The following WDFY3 variants were observed in gnomAD, a reference collection of about 807,000 sequenced individuals.
The protein encoded by WDFY3 is WD repeat and FYVE domain containing 3, also known as WD repeat and FYVE domain-containing protein 3.
In WDFY3, 66 loss-of-function variants were observed where a neutral mutation model predicts 409.6. That is an observed-to-expected ratio of 0.16 (90% CI 0.13 to 0.20). The LOEUF is 0.20. Ranked by LOEUF, WDFY3 falls within the 10% of genes least tolerant of loss-of-function variation. The pLI is 1.00. For missense variants in WDFY3, 3,031 were observed against 4,298.1 expected, an observed-to-expected ratio of 0.71 and a Z score of 8.24; for synonymous variants, 1,521 against 1,537.1, an observed-to-expected ratio of 0.99 and a Z score of 0.25.
chr4:84,786,886 A>G (rs2149520446), intron 23 of WDFY3, among the ~76,000 whole-genome samples: 1 of 152,286 alleles, frequency 6.6e-6, no homozygotes, highest in African/African-American at 2.4e-5. Context: ...GATTATGACC[A>G]TTTACAATAT....
intron 2 of WDFY3, among the ~76,000 whole-genome samples, chr4:84,914,563 T>G (rs1229888850): frequency 6.6e-6 from 1 of 152,170 alleles, no homozygotes; most frequent in African/African-American, 2.4e-5. Context: ...CAACTGTATC[T>G]TGTCAGTAAG....
At chr4:84,750,982 G>A (rs1169729027) in intron 36 of WDFY3, among the ~76,000 whole-genome samples, 1 of 152,234 alleles carries the variant, frequency 6.6e-6, no homozygotes, top group South Asian at 2.1e-4. Context: ...ATTGATGTAG[G>A]AAATTATAAG....
intron 2 of WDFY3, among the ~76,000 whole-genome samples, chr4:84,926,250 C>T (rs1769976147): frequency 6.9e-6 from 1 of 145,604 alleles, no homozygotes; most frequent in African/African-American, 2.5e-5. Context: ...GCCATACAAA[C>T]ATCAGGCTCT....
In WDFY3 at chr4:84,756,910, G is replaced by C. The variant is rs375961372; in HGVS notation, c.5424+16C>G. Reference sequence around the variant, plus strand: ...GAATACGTAATTTCACGCACCCCTTGCTAGATAATTCCTACCTGGCAACCC... The same window carrying C: ...GAATACGTAATTTCACGCACCCCTTCCTAGATAATTCCTACCTGGCAACCC... On this transcript the variant is annotated intron_variant, in intron 33 of 67. Transcript: ENST00000295888. 7 of 1,610,324 alleles carry C rather than the reference G, an allele frequency of 4.3e-6. No homozygotes were observed. The African/African-American group carries it at 9.4e-5, about 22-fold the overall frequency.
chr4:84,868,096 G>A (rs1360311370), intron 3 of WDFY3, among the ~76,000 whole-genome samples: 1 of 137,414 alleles, frequency 7.3e-6, no homozygotes, highest in Non-Finnish European at 1.5e-5. Flanking sequence ...TTGAACCCAG[G>A]AGGAGGTGGA....
Position 84,794,921 on chromosome 4 carries a change from T to C in WDFY3, c.3226A>G (p.Thr1076Ala). 3 of 1,580,626 alleles carry C rather than the reference T, an allele frequency of 1.9e-6. No homozygotes were observed. Among genetic ancestry groups the C allele is most frequent in the South Asian group, 1.2e-5 (1 of 82,816 alleles). ...ACCACAGCCCCATCAATAAGACCTGTTGTGACGGTATTATTTGTAGGAGCA... is the reference window on the plus strand; with the variant it reads ...ACCACAGCCCCATCAATAAGACCTGCTGTGACGGTATTATTTGTAGGAGCA... ...HNAPTNNTVT[T>A]GLIDGAVVSG... The change falls in exon 20 of 68, where the codon ACA (threonine) becomes GCA (alanine). Residue 1076 changes from threonine to alanine, a missense_variant. Coordinates refer to ENST00000295888, the MANE Select transcript of WDFY3 (RefSeq NM_014991.6).
chr4:84,714,916 C>T (rs1733585197), intron 50 of WDFY3, among the ~76,000 whole-genome samples: 1 of 148,612 alleles, frequency 6.7e-6, no homozygotes, highest in South Asian at 2.1e-4. Context: ...TGCCACTGTA[C>T]TCTAGCCTGG....
intron 1 of WDFY3, among the ~76,000 whole-genome samples, chr4:84,957,099 TAAA>T (rs1433782677): frequency 6.6e-6 from 1 of 151,236 alleles, no homozygotes; most frequent in East Asian, 1.9e-4. Flanking sequence ...TATAGAGATA[TAAA>T]ACCAAGGCCC....
At chr4:84,734,393 A>C (rs1414525523) in intron 43 of WDFY3, among the ~76,000 whole-genome samples, 1 of 152,238 alleles carries the variant, frequency 6.6e-6, no homozygotes, top group African/African-American at 2.4e-5. Flanking sequence ...TTAAAAAATT[A>C]TCTATCACAG....
intron 3 of WDFY3, among the ~76,000 whole-genome samples, chr4:84,881,573 G>C (rs751067832): frequency 7.0e-6 from 1 of 142,284 alleles, no homozygotes; most frequent in Non-Finnish European, 1.5e-5. Flanking sequence ...GAATATGATC[G>C]TTACAATCAT....
At chr4:84,696,690 C>T in intron 57 of WDFY3, 42 bp downstream of exon 57, 1 of 1,590,974 alleles carries the variant, frequency 6.3e-7, no homozygotes, top group Non-Finnish European at 8.6e-7. Context: ...GTTCAATGAC[C>T]AAATGAAATT....
intron 27 of WDFY3, among the ~76,000 whole-genome samples, chr4:84,777,019 G>C (rs1373071472): frequency 6.6e-6 from 1 of 152,072 alleles, no homozygotes; most frequent in African/African-American, 2.4e-5. Context: ...TACGAAATGT[G>C]AAAGTAGAAC....
chr4:84,714,390 G>A (rs879037576), intron 50 of WDFY3, among the ~76,000 whole-genome samples: 1 of 152,142 alleles, frequency 6.6e-6, no homozygotes, highest in Non-Finnish European at 1.5e-5. Flanking sequence ...GAATATGAGC[G>A]TGAGCCATTG....
chr4:84,912,007 T>G (rs1333894601), intron 2 of WDFY3, among the ~76,000 whole-genome samples: 1 of 152,204 alleles, frequency 6.6e-6, no homozygotes, highest in Non-Finnish European at 1.5e-5. Context: ...GAGTATTCAT[T>G]AAAACACTGT....
At chr4:84,810,402 A>AC in intron 13 of WDFY3, 58 bp from the exon 14 acceptor site, 6 of 1,321,302 alleles carry the variant, frequency 4.5e-6, no homozygotes, top group Non-Finnish European at 4.0e-6. Flanking sequence ...AAAAAAAAAA[A>AC]ACCACTATGC....
intron 5 of WDFY3, 117 bp from the exon 6 acceptor site, chr4:84,841,380 T>A: frequency 1.3e-6 from 1 of 778,246 alleles, no homozygotes; most frequent in South Asian, 1.7e-5. Context: ...ATCAGCACTA[T>A]TACATATAGA....
intron 67 of WDFY3, among the ~76,000 whole-genome samples, chr4:84,675,612 G>C (rs1300778467): frequency 6.6e-6 from 1 of 152,164 alleles, no homozygotes; most frequent in Non-Finnish European, 1.5e-5. Flanking sequence ...GTGAGCATTT[G>C]GTCAGTGTAA....
chr4:84,786,024 G>A lies in WDFY3; in HGVS notation c.4017C>T (p.Ile1339=), dbSNP rs1471156079. The A allele has an allele frequency of 6.2e-7, 1 of 1,613,828 alleles. No homozygotes were observed. Among genetic ancestry groups the A allele is most frequent in the South Asian group, 1.1e-5 (1 of 91,044 alleles). ...TATCCAATTTGTTATACACTTTCCG[G>A]ATTCTTGCCACTGTTAGAGACGACA... The part of the protein sequence containing the change: ...LSVSSLTVAR[I]RKVYNKLDSK... The change falls in exon 24 of 68, where the codon ATC becomes ATT. Residue 1339 remains isoleucine (I), a synonymous_variant. Transcript: ENST00000295888.
chr4:84,696,887 T>C, intron 56 of WDFY3, 64 bp from the exon 57 acceptor site: 1 of 1,404,724 alleles, frequency 7.1e-7, no homozygotes. Flanking sequence ...TAACTTTATA[T>C]TAATCTGACT....
Sources: gnomAD v4.1 joint callset for allele counts (sites outside exome capture counted in the v4.1 genomes callset) on GRCh38, gnomAD v4.1.1 for gene constraint, MANE v1.5 for transcripts, NCBI Gene and HGNC (gene_info 2026-07-23, HGNC 2026-07-21) for gene names.